The following SLC2A13 variants were observed in gnomAD, a reference collection of about 807,000 sequenced individuals.
SLC2A13 encodes proton myo-inositol cotransporter.
Under a neutral mutation model 64.4 loss-of-function variants are expected in SLC2A13, and 32 were observed. The observed-to-expected ratio is 0.50, with a 90% confidence interval of 0.37 to 0.67. The LOEUF is 0.67. SLC2A13 is among the 30% of genes least tolerant of loss of function. SLC2A13 has a pLI of 0.00. For missense variants in SLC2A13, 743 were observed against 829.2 expected (o/e 0.90, Z 1.28); for synonymous variants, 338 against 327.1 (o/e 1.03, Z -0.36).
intron 6 of SLC2A13, among the ~76,000 whole-genome samples, chr12:39,853,713 G>A (rs1943529978): frequency 1.3e-5 from 2 of 151,760 alleles, no homozygotes; most frequent in African/African-American, 4.8e-5. Context: ...CAGTATCTGG[G>A]TTGCTGAGAA....
rs180730564 is a variant in SLC2A13 at position 39,863,090 on chromosome 12, G to A, written c.1319+1672C>T. On this transcript the variant is annotated intron_variant, in intron 6 of 9. Coordinates refer to ENST00000280871, the MANE Select transcript of SLC2A13 (RefSeq NM_052885.4). ...TTTTTCATATCCACTGACTCCCGAA[G>A]GACACCTAAAATTTGGTTCTATCTT... is the stretch of plus-strand genomic sequence containing the variant. Among the ~76,000 whole-genome samples, 347 of 152,098 alleles carry A rather than the reference G, an allele frequency of 2.3e-3. 1 individual carries two copies. The highest frequency in any genetic ancestry group is 7.9e-3 in the African/African-American group (326 of 41,508).
intron 3 of SLC2A13, among the ~76,000 whole-genome samples, chr12:39,997,573 G>T (rs1245928237): frequency 6.6e-6 from 1 of 152,212 alleles, no homozygotes; most frequent in African/African-American, 2.4e-5. Context: ...GCTCACGCCT[G>T]TAATCTCAGC....
intron 4 of SLC2A13, among the ~76,000 whole-genome samples, chr12:39,922,197 T>G (rs1168529259): frequency 2.6e-5 from 4 of 152,240 alleles, no homozygotes; most frequent in Non-Finnish European, 4.4e-5. Flanking sequence ...AAAACCATAC[T>G]AAAGAGAATC....
chr12:40,009,678 G>A lies in SLC2A13; in HGVS notation c.925+18623C>T, dbSNP rs181513230. 3.9e-5 allele frequency among the ~76,000 whole-genome samples: 6 copies of A among 152,180 alleles called. No homozygotes were observed. The East Asian group carries it at 7.8e-4, about 20-fold the overall frequency. On this transcript the variant is annotated intron_variant, in intron 3 of 9. Coordinates refer to ENST00000280871, the MANE Select transcript of SLC2A13 (RefSeq NM_052885.4). ...GAACTCCTGAGCTCAAGCAATCCTCGAGCTTTGGCCTCCCCAAAAGTGCTA... is the reference window on the plus strand; with the variant it reads ...GAACTCCTGAGCTCAAGCAATCCTCAAGCTTTGGCCTCCCCAAAAGTGCTA...
chr12:40,047,197 C>G (rs1948184621), intron 2 of SLC2A13, among the ~76,000 whole-genome samples: 1 of 152,138 alleles, frequency 6.6e-6, no homozygotes, highest in African/African-American at 2.4e-5. Context: ...CCACCACACC[C>G]AGTCCACACC....
chr12:39,834,083 C>T (rs572140774), intron 6 of SLC2A13, among the ~76,000 whole-genome samples: 14 of 152,088 alleles, frequency 9.2e-5, no homozygotes, highest in Middle Eastern at 3.4e-3. Flanking sequence ...TTTCCAACAA[C>T]TGTTCATAAA....
intron 2 of SLC2A13, among the ~76,000 whole-genome samples, chr12:40,038,413 T>C (rs962869206): frequency 1.3e-5 from 2 of 152,174 alleles, no homozygotes; most frequent in African/African-American, 2.4e-5. Flanking sequence ...CAGGATATGA[T>C]GAATTCTGGA....
At chr12:39,991,288 T>A (rs1947134457) in intron 3 of SLC2A13, among the ~76,000 whole-genome samples, 1 of 152,172 alleles carries the variant, frequency 6.6e-6, no homozygotes, top group Non-Finnish European at 1.5e-5. Context: ...AGCTTTTTCC[T>A]TCATCTCAAA....
chr12:40,008,076 C>T (rs1055781805), intron 3 of SLC2A13, among the ~76,000 whole-genome samples: 16 of 152,138 alleles, frequency 1.1e-4, no homozygotes, highest in African/African-American at 3.9e-4. Flanking sequence ...AACTAATCAG[C>T]ATCTCAAAAC....
intron 4 of SLC2A13, among the ~76,000 whole-genome samples, chr12:39,948,973 T>G (rs572468472): frequency 6.6e-6 from 1 of 152,126 alleles, no homozygotes; most frequent in Non-Finnish European, 1.5e-5. Flanking sequence ...TTCCTTAATC[T>G]TGAGAATAAT....
chr12:39,808,359 CA>C (rs756568136), intron 7 of SLC2A13, among the ~76,000 whole-genome samples: 17 of 151,854 alleles, frequency 1.1e-4, no homozygotes, highest in Non-Finnish European at 2.1e-4. Context: ...GTTGAAGTAA[CA>C]TCTACGTAAT....
intron 3 of SLC2A13, among the ~76,000 whole-genome samples, chr12:40,007,854 A>T (rs1246648947): frequency 6.6e-6 from 1 of 152,180 alleles, no homozygotes; most frequent in Non-Finnish European, 1.5e-5. Flanking sequence ...AGGAAGAAAC[A>T]CTATTCAAAG....
chr12:39,861,891 T>C (rs1039788936), intron 6 of SLC2A13, among the ~76,000 whole-genome samples: 2 of 152,198 alleles, frequency 1.3e-5, no homozygotes, highest in African/African-American at 4.8e-5. Flanking sequence ...AATTTTAAGT[T>C]CCAGGATACA....
Position 39,759,965 on chromosome 12 carries a change from C to A in SLC2A13, c.*61G>T. On this transcript the variant is annotated 3_prime_UTR_variant, in exon 10 of 10. Coordinates refer to ENST00000280871, the MANE Select transcript of SLC2A13 (RefSeq NM_052885.4). Reference sequence around the variant, plus strand: ...GATTAGAAGCAGGGCAGTGAAGTCACCAATTGCTGTTCTTCTCCCCCCAGT... The same window carrying A: ...GATTAGAAGCAGGGCAGTGAAGTCAACAATTGCTGTTCTTCTCCCCCCAGT... 7.7e-7 allele frequency: 1 copy of A among 1,302,372 alleles called. No individual in the cohort carries two copies. The highest frequency in any genetic ancestry group is 1.1e-6 in the Non-Finnish European group (1 of 910,080). The allele number at this position is 1,302,372 out of a possible 1,614,324, so 80.7% of individuals were successfully genotyped here. A position where few individuals can be genotyped will look rare whatever the true frequency, so the allele number is the denominator to read the frequency against.
chr12:40,011,287 C>CA lies in SLC2A13; in HGVS notation c.925+17013dup, dbSNP rs1555151472. 2.0e-5 allele frequency among the ~76,000 whole-genome samples: 3 copies of CA among 152,174 alleles called. No individual in the cohort carries two copies. The East Asian group carries it at 5.8e-4, about 29-fold the overall frequency. Reference sequence around the variant, plus strand: ...TACTACCCACTAGATGTCAACATCACATTCCCTGAGCTGTGACAATCAAAA... The same window carrying CA: ...TACTACCCACTAGATGTCAACATCACAATTCCCTGAGCTGTGACAATCAAAA... On this transcript the variant is annotated intron_variant, in intron 3 of 9. Transcript: ENST00000280871.
At chr12:39,964,004 A>T (rs902681680) in intron 3 of SLC2A13, among the ~76,000 whole-genome samples, 1 of 152,194 alleles carries the variant, frequency 6.6e-6, no homozygotes, top group African/African-American at 2.4e-5. Flanking sequence ...ATTGTCCCCC[A>T]GATTCCGGAA....
At chr12:39,994,999 C>A (rs1244126958) in intron 3 of SLC2A13, among the ~76,000 whole-genome samples, 1 of 152,106 alleles carries the variant, frequency 6.6e-6, no homozygotes, top group Non-Finnish European at 1.5e-5. Context: ...GTCTTCTTCC[C>A]CAAAATTCAT....
intron 1 of SLC2A13, among the ~76,000 whole-genome samples, chr12:40,080,334 T>C (rs1938346445): frequency 6.6e-6 from 1 of 152,216 alleles, no homozygotes; most frequent in Non-Finnish European, 1.5e-5. Context: ...GGTCTTCTTC[T>C]TTATGCAACT....
intron 3 of SLC2A13, among the ~76,000 whole-genome samples, chr12:39,968,441 A>C (rs2136124940): frequency 6.6e-6 from 1 of 152,064 alleles, no homozygotes; most frequent in East Asian, 1.9e-4. Flanking sequence ...ACACAGCCAA[A>C]CATATCACCT....
Sources: allele counts gnomAD v4.1 joint callset (sites outside exome capture counted in the v4.1 genomes callset), GRCh38; gene constraint gnomAD v4.1.1; transcripts MANE v1.5; gene names NCBI Gene and HGNC (gene_info 2026-07-23, HGNC 2026-07-21).